The following GLRX variants were observed in gnomAD, a reference collection of about 807,000 sequenced individuals.
GLRX encodes the protein glutaredoxin.
GLRX carries 9 observed loss-of-function variants against 11.1 expected under a neutral mutation model. The observed-to-expected ratio is 0.81, with a 90% CI of 0.49 to 1.42. GLRX has a LOEUF of 1.42. Ranked by LOEUF, GLRX falls within the 40% of genes most tolerant of loss-of-function variation. The pLI is 0.00. For missense variants in GLRX, 102 were observed against 126.2 expected (o/e 0.81, Z 0.92); for synonymous variants, 49 against 49.5 (o/e 0.99, Z 0.04).
chr5:95,821,020 G>A (rs1261971915), intron 1 of GLRX, among the ~76,000 whole-genome samples: 1 of 151,556 alleles, frequency 6.6e-6, no homozygotes, highest in Non-Finnish European at 1.5e-5. Context: ...GGAGGTTGAG[G>A]AGAACCCAGG....
intron 1 of GLRX, chr5:95,818,995 G>A (rs1194048375): frequency 1.3e-5 from 2 of 152,180 alleles, no homozygotes; most frequent in Non-Finnish European, 2.9e-5. Flanking sequence ...AGCTCCTATA[G>A]ATATCTGCTC....
intron 1 of GLRX, 74 bp from the exon 2 acceptor site, chr5:95,816,700 AT>A: frequency 1.2e-6 from 1 of 807,998 alleles, no homozygotes; most frequent in South Asian, 1.4e-5. Flanking sequence ...ACCACTAAAT[AT>A]TTCCCGTGAT....
At chr5:95,818,421 CT>C in intron 1 of GLRX, 1 of 152,266 alleles carries the variant, frequency 6.6e-6, no homozygotes, top group Non-Finnish European at 1.5e-5. Flanking sequence ...TTTAGAGGAA[CT>C]TGAGAGTCCG....
chr5:95,820,193 A>C (rs1747174040), intron 1 of GLRX, among the ~76,000 whole-genome samples: 1 of 151,418 alleles, frequency 6.6e-6, no homozygotes, highest in African/African-American at 2.4e-5. Context: ...TCTGTACAAA[A>C]ACTTAAAAAA....
At chr5:95,818,375 G>C (rs971777909) in intron 1 of GLRX, 1 of 152,390 alleles carries the variant, frequency 6.6e-6, no homozygotes, top group African/African-American at 2.4e-5. Flanking sequence ...ACCCTGTGCT[G>C]CTTCCCCTCC....
At chr5:95,820,691 C>CAAA (rs60659232) in intron 1 of GLRX, among the ~76,000 whole-genome samples, 1 of 106,234 alleles carries the variant, frequency 9.4e-6, no homozygotes. Context: ...AATTCCATCT[C>CAAA]AAAAAAAAAA....
intron 2 of GLRX, chr5:95,814,645 G>T: frequency 6.6e-6 from 1 of 152,542 alleles, no homozygotes; most frequent in Non-Finnish European, 1.5e-5. Context: ...CACTGGCTTA[G>T]AGGTAGAGAC....
intron 2 of GLRX, among the ~76,000 whole-genome samples, chr5:95,816,026 C>T (rs1746981522): frequency 6.6e-6 from 1 of 152,190 alleles, no homozygotes; most frequent in South Asian, 2.1e-4. Flanking sequence ...ACTTGCTATT[C>T]CCTCTGCCTG....
intron 1 of GLRX, among the ~76,000 whole-genome samples, chr5:95,820,400 ATTG>A (rs1031221211): frequency 2.7e-5 from 4 of 150,606 alleles, no homozygotes; most frequent in African/African-American, 9.8e-5. Context: ...TACAAGAAAT[ATTG>A]TTGTTCTACA....
intron 1 of GLRX, among the ~76,000 whole-genome samples, chr5:95,820,352 T>TAAAA (rs58201790): frequency 2.6e-3 from 209 of 79,562 alleles, no homozygotes; most frequent in African/African-American, 7.8e-3. Context: ...CTCTGTCTCT[T>TAAAA]AAAAAAAAAA....
rs1391910871 is a variant in GLRX at position 95,816,519 on chromosome 5, C to T, written c.315G>A (p.Leu105=). ...ACCTGCCACTCACCTGTGGTTACTG[C>T]AGAGCTCCAATCTGCTTTAGCCGCG... ...LLTRLKQIGA[L]Q The change falls in exon 2 of 3, where the codon CTG becomes CTA. Residue 105 remains leucine (L), a synonymous_variant. Transcript: ENST00000237858. 4 of 1,553,112 alleles carry T rather than the reference C, an allele frequency of 2.6e-6. No homozygotes were observed. The highest frequency in any genetic ancestry group is 3.6e-6 in the Non-Finnish European group (4 of 1,124,324).
chr5:95,822,367 A>G lies in GLRX; in HGVS notation c.207+89T>C, dbSNP rs567892113. On this transcript the variant is annotated intron_variant, in intron 1 of 2. Coordinates refer to ENST00000237858, the MANE Select transcript of GLRX (RefSeq NM_001118890.2). ...GCCCTCTGGACGCCTTGAAGTACGG[A>G]GCCGCAGCCTTATCCTAAAGAAAGG... The G allele has an allele frequency of 1.5e-5, 14 of 907,320 alleles. No homozygotes were observed. The East Asian group carries it at 4.2e-4, about 27-fold the overall frequency. The allele number at this position is 907,320 out of a possible 1,614,324, so 56.2% of individuals were successfully genotyped here.
intron 1 of GLRX, 139 bp downstream of exon 1, chr5:95,822,317 T>G: frequency 3.2e-6 from 2 of 629,506 alleles, no homozygotes; most frequent in Non-Finnish European, 5.6e-6. Flanking sequence ...TAAGGCGCCC[T>G]CCCCCACACC....
intron 1 of GLRX, among the ~76,000 whole-genome samples, chr5:95,819,918 A>AAAAAC: frequency 1.3e-5 from 2 of 149,200 alleles, no homozygotes; most frequent in African/African-American, 2.4e-5. Context: ...AAAAAAAAAA[A>AAAAAC]AAAACCCTCG....
intron 1 of GLRX, 127 bp from the exon 2 acceptor site, chr5:95,816,753 G>A: frequency 1.6e-6 from 1 of 631,340 alleles, no homozygotes; most frequent in South Asian, 1.8e-5. Context: ...TTATGTATAT[G>A]CTCACAGGAC....
Position 95,822,520 on chromosome 5 carries a change from A to C in GLRX, c.143T>G (p.Ile48Ser), listed in dbSNP as rs1428671112. The change falls in exon 1 of 3, where the codon ATC becomes AGC. Residue 48 changes from isoleucine (I) to serine (S), a missense_variant. Transcript: ENST00000237858. The part of the protein sequence containing the change: ...IKQGLLEFVD[I>S]TATNHTNEIQ... ...CTCGTTAGTGTGGTTGGTGGCTGTG[A>C]TATCGACAAATTCCAGAAGCCCTTG... 1 of 1,613,790 alleles carries C rather than the reference A, an allele frequency of 6.2e-7. No homozygotes were observed. Among genetic ancestry groups the C allele is most frequent in the Non-Finnish European group, 8.5e-7 (1 of 1,179,858 alleles).
rs149502511 is a variant in GLRX, at chr5:95,822,538, A to T, written c.125T>A (p.Leu42His). The T allele has an allele frequency of 1.2e-6, 2 of 1,613,720 alleles. No homozygotes were observed. The highest frequency in any genetic ancestry group is 1.7e-6 in the Non-Finnish European group (2 of 1,179,770). ...ILSQLPIKQG[L>H]LEFVDITATN... ...GGCTGTGATATCGACAAATTCCAGA[A>T]GCCCTTGTTTGATGGGCAATTGACT... The change falls in exon 1 of 3, where the codon CTT becomes CAT. Residue 42 changes from leucine to histidine, a missense_variant. Transcript: ENST00000237858.
At chr5:95,820,013 G>A (rs1747167414) in intron 1 of GLRX, among the ~76,000 whole-genome samples, 1 of 151,852 alleles carries the variant, frequency 6.6e-6, no homozygotes, top group African/African-American at 2.4e-5. Flanking sequence ...TCCCCTAGGA[G>A]GAATGCACTC....
intron 1 of GLRX, among the ~76,000 whole-genome samples, chr5:95,819,916 A>AAAAC (rs1747160920): frequency 2.6e-5 from 4 of 151,328 alleles, no homozygotes; most frequent in Middle Eastern, 3.4e-3. Context: ...AAAAAAAAAA[A>AAAAC]AAAAAACCCT....
Sources: gnomAD v4.1 joint callset for allele counts (sites outside exome capture counted in the v4.1 genomes callset) on GRCh38, gnomAD v4.1.1 for gene constraint, MANE v1.5 for transcripts, NCBI Gene and HGNC (gene_info 2026-07-23, HGNC 2026-07-21) for gene names.